Variants in TMEM108 observed in about 807,000 individuals in gnomAD.
TMEM108 encodes transmembrane protein 108.
In TMEM108, 12 loss-of-function variants were observed where a neutral mutation model predicts 35.1. The ratio of observed to expected loss-of-function variants is 0.34; its 90% confidence interval spans 0.22 to 0.55. TMEM108 has a LOEUF of 0.55. TMEM108 is among the 20% of genes least tolerant of loss of function. TMEM108 has a pLI of 0.89. For missense variants in TMEM108, 680 were observed against 753.3 expected (o/e 0.90, Z 1.14); for synonymous variants, 287 against 308.6 (o/e 0.93, Z 0.73).
intron 2 of TMEM108, among the ~76,000 whole-genome samples, chr3:133,214,651 T>G (rs7628842): frequency 0.78 from 118,541 of 152,052 alleles, 46,575 homozygotes; most frequent in East Asian, 0.95. Flanking sequence ...GTTATTCATG[T>G]TAGTTACGTT....
chr3:133,381,909 G>A (rs1009430991), intron 4 of TMEM108, among the ~76,000 whole-genome samples: 1 of 151,778 alleles, frequency 6.6e-6, no homozygotes, highest in Non-Finnish European at 1.5e-5. Flanking sequence ...ATTGCATTGT[G>A]GACCTTGTCC....
chr3:133,080,484 C>T (rs1418144208), intron 2 of TMEM108, among the ~76,000 whole-genome samples: 1 of 152,218 alleles, frequency 6.6e-6, no homozygotes, highest in Non-Finnish European at 1.5e-5. Context: ...GGAAGGAATG[C>T]TTTGTCTAAT....
chr3:133,118,537 C>A (rs1359883686), intron 2 of TMEM108, among the ~76,000 whole-genome samples: 2 of 152,132 alleles, frequency 1.3e-5, no homozygotes, highest in Non-Finnish European at 2.9e-5. Context: ...GCCACACCTG[C>A]CCCCAGTGAA....
At chr3:133,331,805 G>A (rs537804679) in intron 3 of TMEM108, among the ~76,000 whole-genome samples, 19 of 152,264 alleles carry the variant, frequency 1.2e-4, no homozygotes, top group African/African-American at 4.6e-4. Context: ...TGGAGGATGG[G>A]GAGGCCTCAA....
intron 2 of TMEM108, among the ~76,000 whole-genome samples, chr3:133,071,376 A>G (rs116285438): frequency 0.044 from 6,726 of 152,182 alleles, 193 homozygotes; most frequent in African/African-American, 0.063. Context: ...TGTCTGTGTC[A>G]AAATTTCTTC....
At chr3:133,133,234 A>G (rs1944515122) in intron 2 of TMEM108, among the ~76,000 whole-genome samples, 1 of 152,170 alleles carries the variant, frequency 6.6e-6, no homozygotes, top group Admixed American at 6.5e-5. Context: ...GGCAAACTTT[A>G]TTGTTTAAGA....
chr3:133,106,915 C>A (rs754032541), intron 2 of TMEM108, among the ~76,000 whole-genome samples: 1 of 152,128 alleles, frequency 6.6e-6, no homozygotes, highest in Non-Finnish European at 1.5e-5. Flanking sequence ...AAATAATAGA[C>A]GTTTATTGTT....
intron 2 of TMEM108, among the ~76,000 whole-genome samples, chr3:133,167,398 C>T (rs902070536): frequency 2.0e-5 from 3 of 152,264 alleles, no homozygotes; most frequent in East Asian, 1.9e-4. Flanking sequence ...GCTGTGCGCC[C>T]GCACTCCTCA....
rs190459449 is a variant in TMEM108, at chr3:133,363,860, A to G, written c.41-15892A>G. On this transcript the variant is annotated intron_variant, in intron 3 of 5. Transcript: ENST00000321871. ...TCAAAAATAATTCAACATGTAATCA[A>G]TACAAAAATTAATGGAATATTCTAC... Among the ~76,000 whole-genome samples the G allele has an allele frequency of 3.9e-5, 6 of 152,352 alleles. No individual in the cohort carries two copies. In the East Asian group the frequency reaches 7.7e-4, roughly 20 times the overall value.
intron 2 of TMEM108, among the ~76,000 whole-genome samples, chr3:133,092,606 A>G (rs1011702581): frequency 6.6e-6 from 1 of 152,142 alleles, no homozygotes; most frequent in Non-Finnish European, 1.5e-5. Flanking sequence ...TGTACTCTGT[A>G]TTGTAACTCA....
intron 2 of TMEM108, among the ~76,000 whole-genome samples, chr3:133,067,209 A>C (rs1039675625): frequency 3.2e-4 from 48 of 152,188 alleles, no homozygotes; most frequent in Non-Finnish European, 7.3e-5. Flanking sequence ...TTACTAGATA[A>C]TGTCAAATTA....
At chr3:133,160,745 A>G (rs1434079155) in intron 2 of TMEM108, among the ~76,000 whole-genome samples, 2 of 151,996 alleles carry the variant, frequency 1.3e-5, no homozygotes, top group African/African-American at 4.8e-5. Context: ...TCTGCAAGCC[A>G]CTCAGCCCAG....
At chr3:133,348,364 G>A (rs1380620710) in intron 3 of TMEM108, among the ~76,000 whole-genome samples, 2 of 152,118 alleles carry the variant, frequency 1.3e-5, no homozygotes, top group Non-Finnish European at 2.9e-5. Flanking sequence ...ATAAGTTAGA[G>A]CTTCATCACA....
At chr3:133,381,773 G>C (rs926170810) in intron 4 of TMEM108, among the ~76,000 whole-genome samples, 3 of 152,080 alleles carry the variant, frequency 2.0e-5, no homozygotes, top group Admixed American at 2.0e-4. Flanking sequence ...CTTTCATCTG[G>C]TGGGAAGTTC....
At chr3:133,221,077 G>A (rs375021396) in intron 2 of TMEM108, among the ~76,000 whole-genome samples, 4 of 152,338 alleles carry the variant, frequency 2.6e-5, no homozygotes, top group East Asian at 1.9e-4. Context: ...GCATATGGAA[G>A]TGTTTACCAA....
At chr3:133,138,170 G>C (rs1396267929) in intron 2 of TMEM108, among the ~76,000 whole-genome samples, 1 of 152,124 alleles carries the variant, frequency 6.6e-6, no homozygotes, top group Non-Finnish European at 1.5e-5. Flanking sequence ...AAAATAAAAT[G>C]AAGATCTAGA....
At chr3:133,251,827 C>G (rs1303587152) in intron 3 of TMEM108, among the ~76,000 whole-genome samples, 1 of 152,146 alleles carries the variant, frequency 6.6e-6, no homozygotes, top group African/African-American at 2.4e-5. Flanking sequence ...GGATAGTCAA[C>G]TAGTCATCTC....
chr3:133,390,441 T>C (rs2073217256), intron 5 of TMEM108, 107 bp downstream of exon 5: 5 of 1,262,986 alleles, frequency 4.0e-6, no homozygotes, highest in Non-Finnish European at 5.6e-6. Context: ...GTATGGCCCA[T>C]GGACCAGCAG....
At chr3:133,225,425 G>A (rs965167406) in intron 2 of TMEM108, among the ~76,000 whole-genome samples, 5 of 151,918 alleles carry the variant, frequency 3.3e-5, no homozygotes, top group African/African-American at 4.8e-5. Context: ...GGTGGGGGAC[G>A]AATTTGCCTA....
Sources: allele counts gnomAD v4.1 joint callset (sites outside exome capture counted in the v4.1 genomes callset), GRCh38; gene constraint gnomAD v4.1.1; transcripts MANE v1.5; gene names NCBI Gene and HGNC (gene_info 2026-07-23, HGNC 2026-07-21).